The following ZNF320 variants were observed in gnomAD, a reference collection of about 807,000 sequenced individuals.
ZNF320 encodes the protein zinc finger gene 320.
A neutral mutation model predicts 6.8 loss-of-function variants in ZNF320; 2 were observed. The ratio of observed to expected loss-of-function variants is 0.29; its 90% confidence interval spans 0.12 to 0.93. ZNF320 has a LOEUF of 0.93. Ranked by LOEUF, ZNF320 falls within the 40% of genes least tolerant of loss-of-function variation. The probability of loss-of-function intolerance (pLI) is 0.55; values close to 1 mark genes in which losing one functional copy is unlikely to be tolerated. For missense variants in ZNF320, 472 were observed against 611.0 expected, an observed-to-expected ratio of 0.77 and a Z score of 2.40; for synonymous variants, 208 against 203.2, an observed-to-expected ratio of 1.02 and a Z score of -0.20.
exon 6 of ZNF320, among the ~76,000 whole-genome samples, chr19:52,861,323 C>A (rs1568689709): frequency 6.6e-6 from 1 of 152,034 alleles, no homozygotes; most frequent in Non-Finnish European, 1.5e-5. Context: ...ACGTTTGTAC[C>A]TTGAAATCCA....
chr19:52,863,762 G>C (rs10407160), exon 6 of ZNF320: 42 of 169,834 alleles, frequency 2.5e-4, no homozygotes, highest in African/African-American at 9.4e-4. Flanking sequence ...TGCCAGGTGC[G>C]GTGGCTCAAG....
intron 5 of ZNF320, among the ~76,000 whole-genome samples, chr19:52,866,424 G>T (rs996183496): frequency 4.6e-5 from 7 of 151,602 alleles, no homozygotes; most frequent in Admixed American, 2.6e-4. Context: ...AGGCAGCCAG[G>T]GTGGCATTCT....
intron 5 of ZNF320, among the ~76,000 whole-genome samples, chr19:52,865,814 A>T (rs1309480174): frequency 1.6e-5 from 2 of 121,590 alleles, no homozygotes; most frequent in African/African-American, 3.4e-5. Context: ...TATATATATG[A>T]TTATACACAT....
chr19:52,903,747 CAT>C, the ZNF320 span, among the ~76,000 whole-genome samples: 5 of 151,804 alleles, frequency 3.3e-5, no homozygotes. Flanking sequence ...TCACACCACA[CAT>C]ACTCACCACA....
At chr19:52,892,590 A>G (rs2064330966) in intron 2 of ZNF320, among the ~76,000 whole-genome samples, 1 of 152,058 alleles carries the variant, frequency 6.6e-6, no homozygotes, top group African/African-American at 2.4e-5. Context: ...GTCTCTACTA[A>G]AAATACAAAA....
intron 3 of ZNF320, among the ~76,000 whole-genome samples, chr19:52,890,741 G>A (rs1462558153): frequency 6.6e-6 from 1 of 152,186 alleles, no homozygotes; most frequent in Non-Finnish European, 1.5e-5. Context: ...GTATGGTGGT[G>A]CACTTCTGTG....
chr19:52,860,066 C>A (rs1395081596), downstream of ZNF320, among the ~76,000 whole-genome samples: 1 of 152,168 alleles, frequency 6.6e-6, no homozygotes, highest in Middle Eastern at 3.4e-3. Flanking sequence ...GCGCCCGCCA[C>A]CACGCCCGGC....
At position 52,881,003 on chromosome 19, in the gene ZNF320, G is replaced by A. The variant is rs1600614081; in HGVS notation, c.1123C>T (p.His375Tyr). ...AFRSDSRLAE[H>Y]QRVHTGERPY... ...CTCTCTCCAGTATGAACTCTCTGAT[G>A]TTCTGCAAGACGTGAATCACTCCGG... is the stretch of plus-strand genomic sequence containing the variant. Residue 375 changes from histidine (H) to tyrosine (Y), a missense_variant, in exon 6 of 6, where the codon CAT (histidine) becomes TAT (tyrosine). Transcript: ENST00000682928. 1.2e-6 allele frequency: 2 copies of A among 1,614,030 alleles called. No individual in the cohort carries two copies. The highest frequency in any genetic ancestry group is 1.7e-6 in the Non-Finnish European group (2 of 1,180,002).
At chr19:52,888,539 G>C (rs2064177839) in intron 4 of ZNF320, 2 of 168,258 alleles carry the variant, frequency 1.2e-5, no homozygotes, top group African/African-American at 1.2e-4. Context: ...GCTGAGGTGG[G>C]AGGACGGCTT....
At position 52,888,918 on chromosome 19, in the gene ZNF320, G is replaced by A. The variant is rs952423602; in HGVS notation, c.16-665C>T. 5.3e-5 allele frequency among the ~76,000 whole-genome samples: 8 copies of A among 152,228 alleles called. No homozygotes were observed. In the East Asian group the frequency reaches 1.5e-3, roughly 29 times the overall value. On this transcript the variant is annotated intron_variant, in intron 4 of 5. Coordinates refer to ENST00000682928, the MANE Select transcript of ZNF320 (RefSeq NM_001351774.2). Reference sequence around the variant, plus strand: ...GTAGCAAGTTTTGCAGGGCGCAGTGGCTCACGTCTGTAATCCCAACACTTT... The same window carrying A: ...GTAGCAAGTTTTGCAGGGCGCAGTGACTCACGTCTGTAATCCCAACACTTT...
Position 52,897,540 on chromosome 19 carries a change from T to C in ZNF320, c.-290A>G, listed in dbSNP as rs973201089. Reference sequence around the variant, plus strand: ...CTCACCCGGACGTCTCAATTTGCTCTGGGTTGAGAAAGAGGGGCCGCAATT... The same window carrying C: ...CTCACCCGGACGTCTCAATTTGCTCCGGGTTGAGAAAGAGGGGCCGCAATT... On this transcript the variant is annotated 5_prime_UTR_variant, in exon 1 of 6. Coordinates refer to ENST00000682928, the MANE Select transcript of ZNF320 (RefSeq NM_001351774.2). 1 of 152,208 alleles carries C rather than the reference T, an allele frequency of 6.6e-6. No homozygotes were observed. Among genetic ancestry groups the C allele is most frequent in the Admixed American group, 6.5e-5 (1 of 15,278 alleles). The allele number at this position is 152,208 out of a possible 1,614,324, so 9.4% of individuals were successfully genotyped here.
Position 52,877,857 on chromosome 19 carries a change from GAAGAT to G in ZNF320, c.*2734_*2738del, listed in dbSNP as rs142360275. On this transcript the variant is annotated 3_prime_UTR_variant, in exon 6 of 6. Coordinates refer to ENST00000682928, the MANE Select transcript of ZNF320 (RefSeq NM_001351774.2). Reference sequence around the variant, plus strand: ...AGGGTCTGTCATGAACCGGGTTAGAGAAGATGAGAAAATTTTCAGAAGACTCCATC... The same window carrying G: ...AGGGTCTGTCATGAACCGGGTTAGAGGAGAAAATTTTCAGAAGACTCCATC... 10,283 of 152,152 alleles carry G rather than the reference GAAGAT, an allele frequency of 0.068. 512 individuals are homozygous for G. The highest frequency in any genetic ancestry group is 0.15 in the African/African-American group (6,019 of 41,440). The allele number at this position is 152,152 out of a possible 1,614,324, so 9.4% of individuals were successfully genotyped here.
chr19:52,885,720 A>T (rs1164258211), intron 5 of ZNF320, among the ~76,000 whole-genome samples: 2 of 151,604 alleles, frequency 1.3e-5, no homozygotes, highest in African/African-American at 2.4e-5. Flanking sequence ...CTGTCTCAAA[A>T]AAATAAATAA....
At chr19:52,898,762 CAG>C (rs1331810984), upstream of ZNF320, among the ~76,000 whole-genome samples, 1 of 152,178 alleles carries the variant, frequency 6.6e-6, no homozygotes, top group African/African-American at 2.4e-5. Flanking sequence ...CAGAGAGAAA[CAG>C]AACAGAGCGG....
chr19:52,892,236 C>T (rs1228268459), intron 2 of ZNF320: 1 of 151,902 alleles, frequency 6.6e-6, no homozygotes, highest in African/African-American at 2.4e-5. Flanking sequence ...CATGGTGGCT[C>T]ATGGTTGTAA....
intron 1 of ZNF320, among the ~76,000 whole-genome samples, chr19:52,894,564 A>G (rs1484299551): frequency 6.6e-6 from 1 of 152,082 alleles, no homozygotes; most frequent in East Asian, 1.9e-4. Context: ...GTGAACACAT[A>G]GCTATAGGTG....
At chr19:52,885,205 G>T (rs1230367551) in intron 5 of ZNF320, among the ~76,000 whole-genome samples, 2 of 151,666 alleles carry the variant, frequency 1.3e-5, no homozygotes, top group Non-Finnish European at 2.9e-5. Flanking sequence ...GTGTCTCAAA[G>T]AAAAAATAAA....
chr19:52,879,624 C>T lies in ZNF320; in HGVS notation c.*972G>A, dbSNP rs2063854354. 6.6e-6 allele frequency: 1 copy of T among 152,186 alleles called. No homozygotes were observed. The highest frequency in any genetic ancestry group is 1.5e-5 in the Non-Finnish European group (1 of 68,050). 9.4% of individuals were successfully genotyped at this position (152,186 alleles called of 1,614,324 possible). A position where few individuals can be genotyped will look rare whatever the true frequency, so the allele number is the denominator to read the frequency against. On this transcript the variant is annotated 3_prime_UTR_variant, in exon 6 of 6. Transcript: ENST00000682928. ...ATGAAATAGCAAAAGAAATCAAACT[C>T]ATCCAAATCAGAAAGAAAGAAGTAA...
chr19:52,897,003 G>A (rs1446724756), intron 1 of ZNF320, among the ~76,000 whole-genome samples: 1 of 152,184 alleles, frequency 6.6e-6, no homozygotes, highest in Non-Finnish European at 1.5e-5. Context: ...CGTTGGCCAA[G>A]GGCCAAAAAT....
Sources: gnomAD v4.1 joint callset for allele counts (sites outside exome capture counted in the v4.1 genomes callset) on GRCh38, gnomAD v4.1.1 for gene constraint, MANE v1.5 for transcripts, NCBI Gene and HGNC (gene_info 2026-07-23, HGNC 2026-07-21) for gene names.